DNAH12: variants seen among roughly 807,000 people sequenced by gnomAD.
DNAH12 encodes dynein axonemal heavy chain 12.
In DNAH12, 285 loss-of-function variants were observed where a neutral mutation model predicts 371.5. The ratio of observed to expected loss-of-function variants is 0.77; its 90% confidence interval spans 0.70 to 0.85. DNAH12 has a LOEUF of 0.85. DNAH12 is among the 40% of genes least tolerant of loss of function. The pLI, the probability that DNAH12 is intolerant of heterozygous loss-of-function variation, is 0.00. For synonymous variants in DNAH12, 1,200 were observed against 1,213.0 expected (o/e 0.99, Z 0.22); for missense variants, 3,611 against 3,689.4 (o/e 0.98, Z 0.55).
intron 55 of DNAH12, among the ~76,000 whole-genome samples, chr3:57,371,771 A>G (rs1205186206): frequency 0.66 from 98,638 of 150,592 alleles, 33,011 homozygotes; most frequent in Non-Finnish European, 0.75. Flanking sequence ...TTCCAGAGGG[A>G]AAAAAAGATA....
At chr3:57,440,833 C>CA (rs890308259) in intron 29 of DNAH12, among the ~76,000 whole-genome samples, 68 of 152,036 alleles carry the variant, frequency 4.5e-4, no homozygotes, top group African/African-American at 1.4e-3. Flanking sequence ...ACTAAAAATA[C>CA]AAAAAAATTA....
At chr3:57,383,927 T>C (rs2063450085) in intron 49 of DNAH12, among the ~76,000 whole-genome samples, 1 of 151,970 alleles carries the variant, frequency 6.6e-6, no homozygotes, top group Non-Finnish European at 1.5e-5. Flanking sequence ...TACTGAAAAA[T>C]CAGAGTTCGA....
intron 22 of DNAH12, among the ~76,000 whole-genome samples, chr3:57,457,267 G>A (rs1241991774): frequency 6.6e-6 from 1 of 152,140 alleles, no homozygotes; most frequent in Non-Finnish European, 1.5e-5. Flanking sequence ...CCAACCTCAT[G>A]TCACTTTACT....
chr3:57,417,915 C>T (rs1266002978), intron 37 of DNAH12, among the ~76,000 whole-genome samples: 1 of 152,008 alleles, frequency 6.6e-6, no homozygotes, highest in Admixed American at 6.6e-5. Context: ...CTTTGGGAGG[C>T]CAAGGTGGAT....
At chr3:57,392,196 C>T (rs2063638757) in intron 44 of DNAH12, 130 bp from the exon 45 acceptor site, 2 of 152,084 alleles carry the variant, frequency 1.3e-5, no homozygotes, top group African/African-American at 4.8e-5. Flanking sequence ...GGTTTTATAT[C>T]AATAGAATGG....
At chr3:57,476,640 G>A (rs138067184) in intron 13 of DNAH12, among the ~76,000 whole-genome samples, 163 of 152,306 alleles carry the variant, frequency 1.1e-3, no homozygotes, top group Middle Eastern at 3.4e-3. Flanking sequence ...CTTCTAGAGC[G>A]TTGGCAAGGT....
chr3:57,459,537 T>A, intron 20 of DNAH12, 55 bp downstream of exon 20: 2 of 1,301,578 alleles, frequency 1.5e-6, no homozygotes, highest in Non-Finnish European at 2.0e-6. Context: ...CATGTTTTAC[T>A]TAATTTCCAA....
At chr3:57,409,752 A>C (rs997317245) in intron 39 of DNAH12, among the ~76,000 whole-genome samples, 4 of 152,176 alleles carry the variant, frequency 2.6e-5, no homozygotes, top group Non-Finnish European at 5.9e-5. Flanking sequence ...GTCTTGAGAT[A>C]AAAATCATGG....
chr3:57,402,789 C>T (rs1278606364), intron 43 of DNAH12, among the ~76,000 whole-genome samples: 2 of 152,284 alleles, frequency 1.3e-5, no homozygotes, highest in East Asian at 3.9e-4. Context: ...CTATATTTAA[C>T]AATGTATTGC....
intron 40 of DNAH12, among the ~76,000 whole-genome samples, chr3:57,407,018 C>G (rs2064052381): frequency 6.6e-6 from 1 of 152,060 alleles, no homozygotes; most frequent in Non-Finnish European, 1.5e-5. Flanking sequence ...CCTGCCTCAG[C>G]CTCCCGAGTA....
intron 69 of DNAH12, among the ~76,000 whole-genome samples, chr3:57,305,242 C>A (rs2061444703): frequency 6.6e-6 from 1 of 152,088 alleles, no homozygotes; most frequent in Non-Finnish European, 1.5e-5. Flanking sequence ...CCCAAACCCT[C>A]CTTCTTTCCC....
chr3:57,353,970 C>G (rs1032780100), intron 59 of DNAH12, among the ~76,000 whole-genome samples: 1 of 152,146 alleles, frequency 6.6e-6, no homozygotes, highest in African/African-American at 2.4e-5. Flanking sequence ...TTGGAGATTT[C>G]TCAAAGAACT....
intron 13 of DNAH12, among the ~76,000 whole-genome samples, chr3:57,475,712 T>A (rs576952871): frequency 6.6e-6 from 1 of 151,776 alleles, no homozygotes; most frequent in African/African-American, 2.4e-5. Context: ...ATTCATTTCT[T>A]TTTAGGAAAA....
At chr3:57,435,261 A>C (rs1248657885) in intron 30 of DNAH12, among the ~76,000 whole-genome samples, 1 of 150,938 alleles carries the variant, frequency 6.6e-6, no homozygotes, top group East Asian at 2.0e-4. Flanking sequence ...AGTCCCAGCT[A>C]CTCAGGAGGC....
chr3:57,419,811 A>G (rs915431753), intron 36 of DNAH12, among the ~76,000 whole-genome samples: 1 of 152,184 alleles, frequency 6.6e-6, no homozygotes, highest in East Asian at 1.9e-4. Flanking sequence ...CAACATATCT[A>G]ACATTTCAGA....
At chr3:57,511,324 C>G (rs1027360929) in intron 4 of DNAH12, among the ~76,000 whole-genome samples, 1 of 152,022 alleles carries the variant, frequency 6.6e-6, no homozygotes, top group African/African-American at 2.4e-5. Context: ...GTTCTAAATG[C>G]TGGGTATATA....
At chr3:57,410,126 T>A (rs73074524) in intron 39 of DNAH12, among the ~76,000 whole-genome samples, 46,505 of 152,034 alleles carry the variant, frequency 0.31, 8,437 homozygotes, top group Non-Finnish European at 0.42. Flanking sequence ...AGTGCAGGCA[T>A]ACCCCATTTT....
intron 62 of DNAH12, among the ~76,000 whole-genome samples, chr3:57,328,311 A>C (rs888270872): frequency 1.1e-4 from 17 of 151,718 alleles, no homozygotes; most frequent in Admixed American, 2.0e-4. Context: ...AAAATCCTCA[A>C]TAAAATACTG....
chr3:57,333,527 CACCA>C (rs2062156198), intron 62 of DNAH12, among the ~76,000 whole-genome samples: 1 of 151,948 alleles, frequency 6.6e-6, no homozygotes, highest in African/African-American at 2.4e-5. Flanking sequence ...GACAGGGTTT[CACCA>C]TCTTGGCCAG....
Sources: gnomAD v4.1 joint callset for allele counts (sites outside exome capture counted in the v4.1 genomes callset) on GRCh38, gnomAD v4.1.1 for gene constraint, MANE v1.5 for transcripts, NCBI Gene and HGNC (gene_info 2026-07-23, HGNC 2026-07-21) for gene names.